The following TPD52L1 variants were observed in gnomAD, a reference collection of about 807,000 sequenced individuals.
The protein encoded by TPD52L1 is TPD52 like 1, also known as tumor protein D53.
TPD52L1 carries 18 observed loss-of-function variants against 28.7 expected under a neutral mutation model. The ratio of observed to expected loss-of-function variants is 0.63; its 90% CI spans 0.43 to 0.93. The LOEUF is 0.93. Ranked by LOEUF, TPD52L1 falls within the 40% of genes least tolerant of loss-of-function variation. TPD52L1 has a pLI of 0.00. For missense variants in TPD52L1, 203 were observed against 254.8 expected (o/e 0.80, Z 1.39); for synonymous variants, 75 against 88.8 (o/e 0.84, Z 0.88).
intron 1 of TPD52L1, among the ~76,000 whole-genome samples, chr6:125,195,859 C>T (rs1793397912): frequency 6.6e-6 from 1 of 152,176 alleles, no homozygotes; most frequent in East Asian, 1.9e-4. Flanking sequence ...CATCACAGTG[C>T]CCTGTTCGCG....
intron 1 of TPD52L1, among the ~76,000 whole-genome samples, chr6:125,218,183 A>G (rs1367532509): frequency 6.6e-6 from 1 of 152,164 alleles, no homozygotes; most frequent in East Asian, 1.9e-4. Flanking sequence ...TCATTTTCCA[A>G]TTATTTTTAT....
intron 1 of TPD52L1, among the ~76,000 whole-genome samples, chr6:125,176,760 A>C (rs4896787): frequency 6.6e-6 from 1 of 152,156 alleles, no homozygotes; most frequent in East Asian, 1.9e-4. Context: ...TGGCAGCCTG[A>C]TGTGGTGACT....
chr6:125,262,955 A>C lies in TPD52L1; in HGVS notation c.608A>C (p.Gln203Pro). 1 of 1,613,604 alleles carries C rather than the reference A, an allele frequency of 6.2e-7. No individual in the cohort carries two copies. Among genetic ancestry groups the C allele is most frequent in the South Asian group, 1.1e-5 (1 of 91,050 alleles). Residue 203 changes from glutamine to proline, a missense_variant, in exon 7 of 7, where the codon CAG becomes CCG. Coordinates refer to ENST00000534000, the MANE Select transcript of TPD52L1 (RefSeq NM_003287.4). ...CGGCGGACCAAGGAGGAGGAGCTGC[A>C]GTGCTAAGTCCAGCCAGCGTGCAGC... The part of the protein sequence containing the change: ...GSRRTKEEEL[Q>P]C
chr6:125,158,024 T>C (rs1711585872), intron 1 of TPD52L1, among the ~76,000 whole-genome samples: 1 of 152,148 alleles, frequency 6.6e-6, no homozygotes, highest in Admixed American at 6.5e-5. Context: ...CTCCAATCTC[T>C]CTGTCTCCGT....
intron 1 of TPD52L1, among the ~76,000 whole-genome samples, chr6:125,163,556 T>A (rs1233477381): frequency 2.7e-5 from 4 of 148,940 alleles, no homozygotes; most frequent in African/African-American, 9.9e-5. Flanking sequence ...CACTCTAGCC[T>A]GGGCTGGACA....
intron 1 of TPD52L1, among the ~76,000 whole-genome samples, chr6:125,188,813 T>C (rs1010051262): frequency 2.0e-5 from 3 of 152,338 alleles, no homozygotes; most frequent in African/African-American, 4.8e-5. Context: ...AGATTTTCAC[T>C]GGACTGGAGA....
chr6:125,211,261 G>GTCTATCTATCTATCTATCTATCTATCTA (rs58864276), intron 1 of TPD52L1, among the ~76,000 whole-genome samples: 1 of 148,852 alleles, frequency 6.7e-6, no homozygotes, highest in Non-Finnish European at 1.5e-5. Flanking sequence ...ATATGGATCT[G>GTCTATCTATCTATCTATCTATCTATCTA]TCTATCTATC....
At chr6:125,240,357 T>C (rs1253832421) in intron 3 of TPD52L1, among the ~76,000 whole-genome samples, 5 of 152,122 alleles carry the variant, frequency 3.3e-5, no homozygotes, top group Non-Finnish European at 5.9e-5. Context: ...TCTAGTTCAG[T>C]GAAGAGTGAT....
chr6:125,197,913 C>T (rs781446140), intron 1 of TPD52L1, among the ~76,000 whole-genome samples: 3 of 152,180 alleles, frequency 2.0e-5, no homozygotes, highest in Non-Finnish European at 2.9e-5. Context: ...GTAAATGCTG[C>T]AGCTCAAGGT....
intron 1 of TPD52L1, among the ~76,000 whole-genome samples, chr6:125,173,794 T>C (rs1582859420): frequency 6.6e-6 from 1 of 152,174 alleles, no homozygotes; most frequent in Non-Finnish European, 1.5e-5. Context: ...AAAATGCTAT[T>C]CTAGATGCTG....
At chr6:125,242,731 T>C (rs532097906) in intron 3 of TPD52L1, among the ~76,000 whole-genome samples, 1 of 152,204 alleles carries the variant, frequency 6.6e-6, no homozygotes, top group South Asian at 2.1e-4. Context: ...TGGTTGGTGG[T>C]TTTTAATCCA....
intron 4 of TPD52L1, among the ~76,000 whole-genome samples, chr6:125,249,648 C>T (rs933689554): frequency 1.5e-4 from 22 of 146,578 alleles, no homozygotes; most frequent in Admixed American, 5.5e-4. Context: ...GCCCAGATCA[C>T]GCCACTGCAC....
At chr6:125,255,894 A>C (rs556165224) in intron 5 of TPD52L1, among the ~76,000 whole-genome samples, 2 of 152,304 alleles carry the variant, frequency 1.3e-5, no homozygotes, top group African/African-American at 4.8e-5. Flanking sequence ...TTTCTTTAGT[A>C]GGAGCTGGTG....
At chr6:125,225,791 C>A (rs897573752) in intron 2 of TPD52L1, among the ~76,000 whole-genome samples, 25 of 152,138 alleles carry the variant, frequency 1.6e-4, no homozygotes, top group Non-Finnish European at 7.3e-5. Context: ...GTATCAGAAT[C>A]TCTGAGGATG....
chr6:125,241,168 T>A (rs1347311454), intron 3 of TPD52L1, among the ~76,000 whole-genome samples: 2 of 152,134 alleles, frequency 1.3e-5, no homozygotes. Context: ...GAGTCCCTGG[T>A]ATGAAATCCA....
intron 1 of TPD52L1, among the ~76,000 whole-genome samples, chr6:125,154,966 G>T (rs757492276): frequency 4.9e-4 from 74 of 152,158 alleles, no homozygotes; most frequent in Non-Finnish European, 7.6e-4. Flanking sequence ...GACCTGATGC[G>T]CTCGCCCTCT....
At chr6:125,177,289 T>C (rs1791883219) in intron 1 of TPD52L1, among the ~76,000 whole-genome samples, 1 of 152,224 alleles carries the variant, frequency 6.6e-6, no homozygotes, top group Admixed American at 6.5e-5. Flanking sequence ...TGCACTGCTG[T>C]TACCCTCATT....
At chr6:125,245,730 G>T (rs1796885027) in intron 3 of TPD52L1, among the ~76,000 whole-genome samples, 1 of 152,150 alleles carries the variant, frequency 6.6e-6, no homozygotes, top group African/African-American at 2.4e-5. Flanking sequence ...CAGCTCCCAC[G>T]CAGTTGGCGA....
chr6:125,178,108 G>A (rs894837450), intron 1 of TPD52L1, among the ~76,000 whole-genome samples: 31 of 151,864 alleles, frequency 2.0e-4, no homozygotes, highest in African/African-American at 7.3e-4. Context: ...ATATTCTTTC[G>A]ATCATAATAT....
Sources: gnomAD v4.1 joint callset for allele counts (sites outside exome capture counted in the v4.1 genomes callset) on GRCh38, gnomAD v4.1.1 for gene constraint, MANE v1.5 for transcripts, NCBI Gene and HGNC (gene_info 2026-07-23, HGNC 2026-07-21) for gene names.